STYXL2: variants seen among roughly 807,000 people sequenced by gnomAD.
STYXL2 encodes serine/threonine/tyrosine interacting like 2.
Under a neutral mutation model 52.4 loss-of-function variants are expected in STYXL2, and 44 were observed. The ratio of observed to expected loss-of-function variants is 0.84; its 90% CI spans 0.66 to 1.08. The LOEUF (loss-of-function observed/expected upper bound fraction) is 1.08. Ranked by LOEUF, STYXL2 falls within the 50% of genes least tolerant of loss-of-function variation. The pLI, the probability that STYXL2 is intolerant of heterozygous loss-of-function variation, is 0.00. For synonymous variants in STYXL2, 604 were observed against 586.9 expected (o/e 1.03, Z -0.42); for missense variants, 1,604 against 1,471.7 (o/e 1.09, Z -1.47).
intron 4 of STYXL2, among the ~76,000 whole-genome samples, chr1:167,118,609 C>T (rs770273466): frequency 8.5e-5 from 13 of 152,176 alleles, no homozygotes; most frequent in Admixed American, 1.3e-4. Flanking sequence ...TGTTCCTTCT[C>T]GGACAACCTG....
chr1:167,095,626 C>T (rs1340095502), intron 2 of STYXL2, among the ~76,000 whole-genome samples: 2 of 152,216 alleles, frequency 1.3e-5, no homozygotes, highest in East Asian at 3.9e-4. Context: ...AACCACGAGA[C>T]GTTAAAGAAA....
At chr1:167,106,468 G>A (rs1041324690) in intron 2 of STYXL2, among the ~76,000 whole-genome samples, 1 of 152,080 alleles carries the variant, frequency 6.6e-6, no homozygotes, top group African/African-American at 2.4e-5. Flanking sequence ...TCTCAACATG[G>A]ATCTGTTTGG....
At chr1:167,098,550 C>A (rs969110178) in intron 2 of STYXL2, among the ~76,000 whole-genome samples, 3 of 152,142 alleles carry the variant, frequency 2.0e-5, no homozygotes, top group Non-Finnish European at 4.4e-5. Context: ...GTTACTACTG[C>A]TCATAACTTC....
intron 2 of STYXL2, among the ~76,000 whole-genome samples, chr1:167,106,464 C>T (rs192202612): frequency 2.0e-5 from 3 of 152,316 alleles, no homozygotes; most frequent in East Asian, 3.9e-4. Flanking sequence ...TAATTCTCAA[C>T]ATGGATCTGT....
At position 167,127,844 on chromosome 1, in the gene STYXL2, C is replaced by T. The variant is rs768034373; in HGVS notation, c.2713C>T (p.Gln905Ter). 1.9e-6 allele frequency: 3 copies of T among 1,613,700 alleles called. No individual in the cohort carries two copies. Among genetic ancestry groups the T allele is most frequent in the African/African-American group, 2.7e-5 (2 of 74,880 alleles). ...SFRYSSRSNS[Q>*]KPETDTCSSL... ...CCGATATTCTTCCCGCAGTAATTCCCAGAAACCTGAAACAGACACATGCTC... is the reference window on the plus strand; with the variant it reads ...CCGATATTCTTCCCGCAGTAATTCCTAGAAACCTGAAACAGACACATGCTC... The change falls in exon 6 of 6, where the codon CAG (glutamine) becomes TAG (stop). Residue 905 changes from glutamine to a stop codon, truncating the protein, a stop_gained. Coordinates refer to ENST00000361200, the MANE Select transcript of STYXL2 (RefSeq NM_001080426.3). LOFTEE classifies it high-confidence loss of function.
intron 3 of STYXL2, among the ~76,000 whole-genome samples, chr1:167,116,487 G>A (rs1167648671): frequency 6.6e-6 from 1 of 152,084 alleles, no homozygotes; most frequent in Non-Finnish European, 1.5e-5. Context: ...CAGTAAATTA[G>A]GTGTATATTA....
chr1:167,105,173 T>G (rs1667484443), intron 2 of STYXL2, among the ~76,000 whole-genome samples: 2 of 141,592 alleles, frequency 1.4e-5, no homozygotes, highest in African/African-American at 6.4e-5. Flanking sequence ...CTTCCTTTTT[T>G]TCTGTTTCCT....
chr1:167,124,607 A>G (rs1300664114), intron 5 of STYXL2, among the ~76,000 whole-genome samples: 2 of 152,236 alleles, frequency 1.3e-5, no homozygotes, highest in African/African-American at 4.8e-5. Flanking sequence ...TGAATGGTAG[A>G]GTCAAGACTC....
intron 2 of STYXL2, among the ~76,000 whole-genome samples, chr1:167,112,730 C>A: frequency 6.6e-6 from 1 of 152,160 alleles, no homozygotes; most frequent in East Asian, 1.9e-4. Context: ...ATTTTCTTAA[C>A]CTTTCTGAGC....
Position 167,128,300 on chromosome 1 carries a change from C to G in STYXL2, c.3169C>G (p.Pro1057Ala). The G allele has an allele frequency of 6.2e-7, 1 of 1,613,996 alleles. No individual in the cohort carries two copies. Among genetic ancestry groups the G allele is most frequent in the African/African-American group, 1.3e-5 (1 of 75,042 alleles). The change falls in exon 6 of 6, where the codon CCA becomes GCA. Residue 1057 changes from proline (P) to alanine (A), a missense_variant. Transcript: ENST00000361200. ...CTCAGAAAGGGAAGAGTCCCCAGAA[C>G]CACAGCGCCCAAATTGGGCCAGGTC... is the stretch of plus-strand genomic sequence containing the variant. ...ESSEREESPE[P>A]QRPNWARSRD...
intron 3 of STYXL2, among the ~76,000 whole-genome samples, chr1:167,116,075 C>G (rs997214196): frequency 1.3e-5 from 2 of 152,292 alleles, no homozygotes; most frequent in Admixed American, 6.5e-5. Flanking sequence ...ATGGTGCCAT[C>G]AAGAGGCTAT....
chr1:167,126,234 A>G lies in STYXL2; in HGVS notation c.1103A>G (p.Asp368Gly). 5 of 1,547,588 alleles carry G rather than the reference A, an allele frequency of 3.2e-6. No homozygotes were observed. The highest frequency in any genetic ancestry group is 4.3e-6 in the Non-Finnish European group (5 of 1,151,824). Residue 368 changes from aspartate to glycine, a missense_variant, in exon 6 of 6, where the codon GAT becomes GGT. Physicochemically the swap from Asp to Gly is moderately conservative, Grantham distance 94. Transcript: ENST00000361200. ...QGLLSDKVPQ[D>G]GGGWRSASSG... ...CTCCTCTCAGACAAGGTCCCCCAGG[A>G]TGGAGGTGGCTGGCGCTCAGCCTCC... is the stretch of plus-strand genomic sequence containing the variant.
intron 2 of STYXL2, among the ~76,000 whole-genome samples, chr1:167,102,301 A>T (rs1023679563): frequency 2.4e-4 from 15 of 62,754 alleles, no homozygotes; most frequent in African/African-American, 3.2e-4. Context: ...GCTGTTTTTT[A>T]AAAATATATA....
rs2102251745 is a variant in STYXL2 at position 167,127,756 on chromosome 1, G to A, written c.2625G>A (p.Lys875=). 1.2e-6 allele frequency: 2 copies of A among 1,614,032 alleles called. No homozygotes were observed. The highest frequency in any genetic ancestry group is 4.5e-5 in the East Asian group (2 of 44,864). ...RSSLFKKKKV[K]EDEDDGVGDG... ...CCCTCTTCAAGAAGAAGAAGGTCAAGGAAGATGAGGATGATGGTGTGGGTG... is the reference window on the plus strand; with the variant it reads ...CCCTCTTCAAGAAGAAGAAGGTCAAAGAAGATGAGGATGATGGTGTGGGTG... Residue 875 remains lysine, a synonymous_variant, in exon 6 of 6, where the codon AAG becomes AAA. Coordinates refer to ENST00000361200, the MANE Select transcript of STYXL2 (RefSeq NM_001080426.3).
chr1:167,117,304 G>A (rs1359191641), intron 3 of STYXL2, 24 bp from the exon 4 acceptor site: 1 of 1,576,226 alleles, frequency 6.3e-7, no homozygotes, highest in South Asian at 1.2e-5. Context: ...ACTCTCTGAT[G>A]AGAATGCTGC....
In STYXL2 at chr1:167,126,284, G is replaced by T; in HGVS notation, c.1153G>T (p.Glu385Ter). 1 of 1,530,446 alleles carries T rather than the reference G, an allele frequency of 6.5e-7. No homozygotes were observed. 94.8% of individuals were successfully genotyped at this position (1,530,446 alleles called of 1,614,324 possible). A position where few individuals can be genotyped will look rare whatever the true frequency, so the allele number is the denominator to read the frequency against. Residue 385 changes from glutamate (E) to a stop codon, truncating the protein, a stop_gained, in exon 6 of 6, where the codon GAG (glutamate) becomes TAG (stop). Coordinates refer to ENST00000361200, the MANE Select transcript of STYXL2 (RefSeq NM_001080426.3). LOFTEE classifies it low-confidence loss of function (END_TRUNC). Reference protein sequence around the residue: ...ASSGQGGEELEDEDVERIIQE... With the variant: ...ASSGQGGEEL ...CTCTGGCCAGGGTGGGGAGGAGCTC[G>T]AGGACGAGGACGTGGAGAGGATCAT... is the stretch of plus-strand genomic sequence containing the variant.
At position 167,127,099 on chromosome 1, in the gene STYXL2, C is replaced by A. The variant is rs1459560895; in HGVS notation, c.1968C>A (p.Ser656Arg). Residue 656 changes from serine (S) to arginine (R), a missense_variant, in exon 6 of 6, where the codon AGC (serine) becomes AGA (arginine). Physicochemically the swap from Ser to Arg is moderately radical, Grantham distance 110 (BLOSUM62 -1). Transcript: ENST00000361200. ...WEADSSTASGSIPLSAFWSAD... is the reference protein window; with the variant it reads ...WEADSSTASGRIPLSAFWSAD... ...CGGACAGCTCCACGGCCAGCGGGAGCATTCCCCTGTCTGCGTTCTGGTCTG... is the reference window on the plus strand; with the variant it reads ...CGGACAGCTCCACGGCCAGCGGGAGAATTCCCCTGTCTGCGTTCTGGTCTG... The A allele has an allele frequency of 1.2e-6, 2 of 1,613,856 alleles. No individual in the cohort carries two copies. The highest frequency in any genetic ancestry group is 1.3e-5 in the African/African-American group (1 of 75,032).
At chr1:167,124,173 G>A (rs1403861068) in intron 5 of STYXL2, among the ~76,000 whole-genome samples, 3 of 152,120 alleles carry the variant, frequency 2.0e-5, no homozygotes, top group African/African-American at 7.2e-5. Flanking sequence ...TCCTCCCAAA[G>A]TGCTGGGATT....
intron 2 of STYXL2, among the ~76,000 whole-genome samples, chr1:167,111,273 A>C (rs1667610435): frequency 6.6e-6 from 1 of 151,638 alleles, no homozygotes; most frequent in Non-Finnish European, 1.5e-5. Context: ...CAGTAGGGAG[A>C]TTCCTTAAAG....
Sources: allele counts gnomAD v4.1 joint callset (sites outside exome capture counted in the v4.1 genomes callset), GRCh38; gene constraint gnomAD v4.1.1; transcripts MANE v1.5; gene names NCBI Gene and HGNC (gene_info 2026-07-23, HGNC 2026-07-21).